The following NDUFV3 variants were observed in gnomAD, a reference collection of about 807,000 sequenced individuals.
NDUFV3 encodes the protein NADH:ubiquinone oxidoreductase subunit V3.
Under a neutral mutation model 37.5 loss-of-function variants are expected in NDUFV3, and 44 were observed. The ratio of observed to expected loss-of-function variants is 1.17; its 90% CI spans 0.92 to 1.51. The LOEUF (loss-of-function observed/expected upper bound fraction) is 1.51. NDUFV3 is among the 40% of genes most tolerant of loss of function. NDUFV3 has a pLI of 0.00. For missense variants in NDUFV3, 580 were observed against 580.4 expected, an observed-to-expected ratio of 1.00 and a Z score of 0.01; for synonymous variants, 235 against 239.3, an observed-to-expected ratio of 0.98 and a Z score of 0.17.
intron 2 of NDUFV3, among the ~76,000 whole-genome samples, chr21:42,902,029 A>G (rs1026753025): frequency 6.6e-6 from 1 of 152,114 alleles, no homozygotes; most frequent in Non-Finnish European, 1.5e-5. Flanking sequence ...ACCAACATGG[A>G]GAAACCCTGT....
chr21:42,895,974 GGTT>G (rs1228305177), intron 1 of NDUFV3, among the ~76,000 whole-genome samples: 1 of 142,664 alleles, frequency 7.0e-6, no homozygotes, highest in African/African-American at 2.7e-5. Context: ...CCAGCACTTT[GGTT>G]GTTTTTCTTT....
At position 42,896,972 on chromosome 21, in the gene NDUFV3, GTTTC is replaced by G. The variant is rs1276491360; in HGVS notation, c.98_101del (p.Ser33CysfsTer25). 1 of 1,613,896 alleles carries G rather than the reference GTTTC, an allele frequency of 6.2e-7. No individual in the cohort carries two copies. The highest frequency in any genetic ancestry group is 8.5e-7 in the Non-Finnish European group (1 of 1,179,962). Reference sequence around the variant, plus strand: ...GGTGTTTCGAGGACTTGCTTCTACGGTTTCTTTGTCTGCGGAATCAGGGAAGAGT... The same window carrying G: ...GGTGTTTCGAGGACTTGCTTCTACGGTTTGTCTGCGGAATCAGGGAAGAGT... On this transcript the variant is annotated frameshift_variant, in exon 2 of 4. Coordinates refer to ENST00000354250, the MANE Select transcript of NDUFV3 (RefSeq NM_021075.4). LOFTEE classifies it high-confidence loss of function.
In NDUFV3 at chr21:42,906,221, C is replaced by T. The variant is rs547620018; in HGVS notation, c.1264+1945C>T. On this transcript the variant is annotated intron_variant, in intron 3 of 3. Transcript: ENST00000354250. ...AAGATGCAATGCGCTTTAGGTGGGT[C>T]GTGGCAAACATGAAAAGGCAAGCTT... Among the ~76,000 whole-genome samples, 14 of 152,258 alleles carry T rather than the reference C, an allele frequency of 9.2e-5. No individual in the cohort carries two copies. In the South Asian group the frequency reaches 2.7e-3, roughly 29 times the overall value.
chr21:42,894,662 G>A (rs554071320), intron 1 of NDUFV3, among the ~76,000 whole-genome samples: 74 of 145,252 alleles, frequency 5.1e-4, no homozygotes, highest in African/African-American at 1.3e-3. Context: ...GGGATTAAGC[G>A]ACTCTCGTGC....
chr21:42,895,975 G>T (rs896187134), intron 1 of NDUFV3, among the ~76,000 whole-genome samples: 2 of 136,802 alleles, frequency 1.5e-5, no homozygotes, highest in South Asian at 4.4e-4. Flanking sequence ...CAGCACTTTG[G>T]TTGTTTTTCT....
chr21:42,896,803 C>A, intron 1 of NDUFV3, 124 bp from the exon 2 acceptor site: 1 of 948,432 alleles, frequency 1.1e-6, no homozygotes, highest in Non-Finnish European at 1.5e-6. Flanking sequence ...TGTGCCACTG[C>A]ACTCCAGCCT....
chr21:42,898,995 A>G (rs886945383), intron 2 of NDUFV3, among the ~76,000 whole-genome samples: 1 of 152,168 alleles, frequency 6.6e-6, no homozygotes, highest in Non-Finnish European at 1.5e-5. Context: ...GGAGTGCTTC[A>G]TTCTGTGGCC....
chr21:42,903,212 T>C lies in NDUFV3; in HGVS notation c.200T>C (p.Leu67Pro), dbSNP rs747795631. 5.6e-6 allele frequency: 9 copies of C among 1,614,166 alleles called. No homozygotes were observed. Among genetic ancestry groups the C allele is most frequent in the Non-Finnish European group, 7.6e-6 (9 of 1,180,028 alleles). The change falls in exon 3 of 4, where the codon CTC (leucine) becomes CCC (proline). Residue 67 changes from leucine to proline, a missense_variant. Physicochemically the swap from Leu to Pro is moderately conservative, Grantham distance 98. Transcript: ENST00000354250. ...GTGGAACCAAAGGAGAGGGGCAAGC[T>C]CCTAGCCACCCAGACAGCAGCTGAA... ...NVVEPKERGK[L>P]LATQTAAELS...
rs202091141 is a variant in NDUFV3 at position 42,903,921 on chromosome 21, G to A, written c.909G>A (p.Pro303=). The change falls in exon 3 of 4, where the codon CCG becomes CCA. Residue 303 remains proline (P), a synonymous_variant. Coordinates refer to ENST00000354250, the MANE Select transcript of NDUFV3 (RefSeq NM_021075.4). ...VHTKSGLSAP[P]KGSPAPAVLA... The stretch of plus-strand genomic sequence containing the variant: ...CAAAATCAGGGTTGTCTGCGCCACC[G>A]AAGGGCAGCCCAGCGCCTGCTGTGT... 8.1e-6 allele frequency: 13 copies of A among 1,611,960 alleles called. No individual in the cohort carries two copies. The East Asian group carries it at 8.9e-5, about 11-fold the overall frequency.
rs765116445 is a variant in NDUFV3, at chr21:42,909,053, G to A, written c.*32G>A. 41 of 1,605,696 alleles carry A rather than the reference G, an allele frequency of 2.6e-5. No individual in the cohort carries two copies. The highest frequency in any genetic ancestry group is 1.0e-4 in the Admixed American group (6 of 59,848). ...TCGGTGTGAAGATGAACCTTCCACC[G>A]TCTTCACTGCATCCTGGAGTGCAAA... is the stretch of plus-strand genomic sequence containing the variant. On this transcript the variant is annotated 3_prime_UTR_variant, in exon 4 of 4. Transcript: ENST00000354250.
chr21:42,909,136 CTTTTTTTTTTT>C lies in NDUFV3; in HGVS notation c.*128_*138del. The C allele has an allele frequency of 1.6e-5, 7 of 434,502 alleles. No homozygotes were observed. The East Asian group carries it at 2.0e-4, about 12-fold the overall frequency. The allele number at this position is 434,502 out of a possible 1,614,324, so 26.9% of individuals were successfully genotyped here. On this transcript the variant is annotated 3_prime_UTR_variant, in exon 4 of 4. Transcript: ENST00000354250. Reference sequence around the variant, plus strand: ...TGTGCATAATCGGTTTCACTTTTACCTTTTTTTTTTTTTTTTTTTTTTTGAGACAGGGTCTC... The same window carrying C: ...TGTGCATAATCGGTTTCACTTTTACCTTTTTTTTTTTTGAGACAGGGTCTC...
chr21:42,897,838 A>G (rs548653722), intron 2 of NDUFV3, among the ~76,000 whole-genome samples: 46 of 148,388 alleles, frequency 3.1e-4, no homozygotes, highest in Admixed American at 6.7e-4. Flanking sequence ...CACCATGCCC[A>G]GCTAATTTTT....
intron 2 of NDUFV3, 105 bp downstream of exon 2, chr21:42,897,152 C>T (rs2058696058): frequency 1.6e-5 from 21 of 1,324,314 alleles, no homozygotes; most frequent in African/African-American, 2.9e-5. Context: ...GTAATTTATG[C>T]TTCTTCCTTT....
rs557351525 is a variant in NDUFV3 at position 42,903,217 on chromosome 21, G to T, written c.205G>T (p.Ala69Ser). The T allele has an allele frequency of 3.1e-6, 5 of 1,614,166 alleles. No homozygotes were observed. The East Asian group carries it at 8.9e-5, about 29-fold the overall frequency. Residue 69 changes from alanine (A) to serine (S), a missense_variant, in exon 3 of 4, where the codon GCC becomes TCC. Transcript: ENST00000354250. ...VEPKERGKLL[A>S]TQTAAELSKN... is the part of the protein sequence containing the mutation. ...ACCAAAGGAGAGGGGCAAGCTCCTA[G>T]CCACCCAGACAGCAGCTGAATTGTC...
At chr21:42,896,296 A>G (rs1373050978) in intron 1 of NDUFV3, among the ~76,000 whole-genome samples, 2 of 151,546 alleles carry the variant, frequency 1.3e-5, no homozygotes, top group East Asian at 3.9e-4. Flanking sequence ...AGCTGGGACT[A>G]CAGGCACCCG....
At chr21:42,893,818 G>A (rs1206825887) in intron 1 of NDUFV3, among the ~76,000 whole-genome samples, 1 of 152,258 alleles carries the variant, frequency 6.6e-6, no homozygotes, top group African/African-American at 2.4e-5. Flanking sequence ...TCAGGGACCT[G>A]GTTAACTTGG....
At chr21:42,896,779 C>T (rs2058693304) in intron 1 of NDUFV3, 148 bp from the exon 2 acceptor site, 3 of 679,584 alleles carry the variant, frequency 4.4e-6, no homozygotes, top group African/African-American at 1.8e-5. Context: ...TTGAAGGCTG[C>T]AGTGAGCCAT....
In NDUFV3 at chr21:42,906,272, T is replaced by C. The variant is rs1288467732; in HGVS notation, c.1264+1996T>C. Among the ~76,000 whole-genome samples, 3 of 152,328 alleles carry C rather than the reference T, an allele frequency of 2.0e-5. No individual in the cohort carries two copies. The East Asian group carries it at 5.8e-4, about 29-fold the overall frequency. On this transcript the variant is annotated intron_variant, in intron 3 of 3. Coordinates refer to ENST00000354250, the MANE Select transcript of NDUFV3 (RefSeq NM_021075.4). Reference sequence around the variant, plus strand: ...CCGTTTTAGAATCCATGGCTCTTCTTGAAGACTTCTCTAAAGTGCATGATC... The same window carrying C: ...CCGTTTTAGAATCCATGGCTCTTCTCGAAGACTTCTCTAAAGTGCATGATC...
intron 2 of NDUFV3, among the ~76,000 whole-genome samples, chr21:42,901,065 C>T (rs995917861): frequency 1.3e-5 from 2 of 152,032 alleles, no homozygotes; most frequent in Non-Finnish European, 2.9e-5. Flanking sequence ...ATTTGAAGTC[C>T]TTGTTTCAGT....
Sources: allele counts gnomAD v4.1 joint callset (sites outside exome capture counted in the v4.1 genomes callset), GRCh38; gene constraint gnomAD v4.1.1; transcripts MANE v1.5; gene names NCBI Gene and HGNC (gene_info 2026-07-23, HGNC 2026-07-21).